SOX13: variants seen among roughly 807,000 people sequenced by gnomAD.
The protein encoded by SOX13 is transcription factor SOX-13.
Under a neutral mutation model 71.8 loss-of-function variants are expected in SOX13, and 28 were observed. The ratio of observed to expected loss-of-function variants is 0.39; its 90% confidence interval spans 0.29 to 0.53. SOX13 has a LOEUF of 0.53. Among genes scored for constraint, SOX13 ranks in the 20% least tolerant of loss-of-function variants. SOX13 has a pLI of 0.70. For synonymous variants in SOX13, 309 were observed against 317.8 expected (o/e 0.97, Z 0.29); for missense variants, 627 against 810.3 (o/e 0.77, Z 2.75).
At chr1:204,117,018 AT>A in intron 5 of SOX13, 103 bp from the exon 6 acceptor site, 1 of 1,173,830 alleles carries the variant, frequency 8.5e-7, no homozygotes, top group Non-Finnish European at 1.2e-6. Context: ...ACCCCACTCC[AT>A]GGCTTGCCCC....
chr1:204,079,055 T>A (rs1374371581), intron 1 of SOX13, among the ~76,000 whole-genome samples: 1 of 152,020 alleles, frequency 6.6e-6, no homozygotes, highest in Non-Finnish European at 1.5e-5. Flanking sequence ...TCCCAGCAGT[T>A]TGGGAGGCCA....
intron 12 of SOX13, among the ~76,000 whole-genome samples, chr1:204,124,245 G>A (rs1656872736): frequency 6.6e-6 from 1 of 152,190 alleles, no homozygotes; most frequent in African/African-American, 2.4e-5. Flanking sequence ...CAAGACTGAG[G>A]CTCCTCCAGT....
rs1230083027 is a variant in SOX13, at chr1:204,112,922, A to G, written c.7A>G (p.Met3Val). ...ACTCTGTCCCTCCCCCAGGATGTCC[A>G]TGAGGAGCCCCATCTCTGCCCAGCT... MS[M>V]RSPISAQLAL... The change falls in exon 2 of 14, where the codon ATG becomes GTG. Residue 3 changes from methionine (M) to valine (V), a missense_variant. Met to Val is a conservative substitution (Grantham distance 21). This residue lies in a region of SOX13 where 447 missense variants were observed against 532.2 expected (regional missense o/e 0.84). Coordinates refer to ENST00000367204, the MANE Select transcript of SOX13 (RefSeq NM_005686.3). 1 of 1,613,418 alleles carries G rather than the reference A, an allele frequency of 6.2e-7. No individual in the cohort carries two copies. Among genetic ancestry groups the G allele is most frequent in the Non-Finnish European group, 8.5e-7 (1 of 1,179,716 alleles).
chr1:204,074,378 G>A (rs1256852612), intron 1 of SOX13: 1 of 129,650 alleles, frequency 7.7e-6, no homozygotes, highest in Non-Finnish European at 1.6e-5. Context: ...CTCCCGCCCT[G>A]GGATATCGTA....
chr1:204,099,168 C>T (rs754061289), intron 1 of SOX13, among the ~76,000 whole-genome samples: 1 of 152,172 alleles, frequency 6.6e-6, no homozygotes, highest in Non-Finnish European at 1.5e-5. Context: ...AGAAGAGACT[C>T]ATTAGCCAGT....
In SOX13 at chr1:204,126,379, C is replaced by T. The variant is rs1656923736; in HGVS notation, c.*245C>T. The T allele has an allele frequency of 5.3e-6, 3 of 562,998 alleles. No homozygotes were observed. 34.9% of individuals were successfully genotyped at this position (562,998 alleles called of 1,614,324 possible). ...GGGCTGAGCAGGCTGAGCACCTCAG[C>T]CTTTAGGGCTTATGGCCAGGGGACA... is the stretch of plus-strand genomic sequence containing the variant. On this transcript the variant is annotated 3_prime_UTR_variant, in exon 14 of 14. Transcript: ENST00000367204.
chr1:204,111,812 T>G (rs1205498746), intron 1 of SOX13, among the ~76,000 whole-genome samples: 1 of 147,772 alleles, frequency 6.8e-6, no homozygotes, highest in Non-Finnish European at 1.5e-5. Context: ...CTTGAGTAAC[T>G]GGGATTACAG....
chr1:204,074,333 C>G (rs187938003), intron 1 of SOX13: 2 of 151,674 alleles, frequency 1.3e-5, no homozygotes, highest in Admixed American at 6.6e-5. Flanking sequence ...GTCCCACCCC[C>G]ACCCCCACCG....
rs1656049239 is a variant in SOX13 at position 204,087,434 on chromosome 1, C to T, written c.-2+13723C>T. On this transcript the variant is annotated intron_variant, in intron 1 of 13. Transcript: ENST00000367204. ...TTCCTGTAGCTTCCCAGGGCCTGCT[C>T]CCTGTGCATGAGGCAGTAGGCCCCC... Among the ~76,000 whole-genome samples, 4 of 152,336 alleles carry T rather than the reference C, an allele frequency of 2.6e-5. No individual in the cohort carries two copies. The South Asian group carries it at 8.3e-4, about 32-fold the overall frequency.
In SOX13 at chr1:204,123,049, G is replaced by A. The variant is rs1048701304; in HGVS notation, c.1135-63G>A. 12 of 1,521,052 alleles carry A rather than the reference G, an allele frequency of 7.9e-6. No individual in the cohort carries two copies. In the African/African-American group the frequency reaches 9.6e-5, roughly 12 times the overall value. 94.2% of individuals were successfully genotyped at this position (1,521,052 alleles called of 1,614,324 possible). Reference sequence around the variant, plus strand: ...ACACAGTCTGAGGCCACCAAGAGAGGAGCATGGGGAGGAGTGGGGTGATGC... The same window carrying A: ...ACACAGTCTGAGGCCACCAAGAGAGAAGCATGGGGAGGAGTGGGGTGATGC... On this transcript the variant is annotated intron_variant, in intron 10 of 13. Coordinates refer to ENST00000367204, the MANE Select transcript of SOX13 (RefSeq NM_005686.3). The surrounding 1 kb of genome is among the most constrained non-coding windows in gnomAD (Gnocchi z 5.0).
chr1:204,126,144 G>A lies in SOX13; in HGVS notation c.*10G>A. The A allele has an allele frequency of 6.2e-7, 1 of 1,611,696 alleles. No individual in the cohort carries two copies. Among genetic ancestry groups the A allele is most frequent in the Non-Finnish European group, 8.5e-7 (1 of 1,178,222 alleles). Reference sequence around the variant, plus strand: ...GGTGCTCACAGACTGATCCCGGCTGGGTGGGCCTGGCCCCTTCTCCTCTGG... The same window carrying A: ...GGTGCTCACAGACTGATCCCGGCTGAGTGGGCCTGGCCCCTTCTCCTCTGG... On this transcript the variant is annotated 3_prime_UTR_variant, in exon 14 of 14. Coordinates refer to ENST00000367204, the MANE Select transcript of SOX13 (RefSeq NM_005686.3).
In SOX13 at chr1:204,112,935, T is replaced by C; in HGVS notation, c.20T>C (p.Ile7Thr). 6.2e-7 allele frequency: 1 copy of C among 1,613,626 alleles called. No individual in the cohort carries two copies. Among genetic ancestry groups the C allele is most frequent in the Admixed American group, 1.7e-5 (1 of 60,020 alleles). Residue 7 changes from isoleucine (I) to threonine (T), a missense_variant, in exon 2 of 14, where the codon ATC (isoleucine) becomes ACC (threonine). This residue lies in a region of SOX13 where 447 missense variants were observed against 532.2 expected (regional missense o/e 0.84). Coordinates refer to ENST00000367204, the MANE Select transcript of SOX13 (RefSeq NM_005686.3). ...CCCAGGATGTCCATGAGGAGCCCCA[T>C]CTCTGCCCAGCTGGCCCTGGATGGC... Reference protein sequence around the residue: MSMRSPISAQLALDGVG... With the variant: MSMRSPTSAQLALDGVG...
chr1:204,124,962 G>A, intron 13 of SOX13, 105 bp downstream of exon 13: 1 of 834,492 alleles, frequency 1.2e-6, no homozygotes, highest in Non-Finnish European at 2.0e-6. Context: ...GTGACCCCAG[G>A]GGTGCTGTGT....
At chr1:204,076,715 G>A (rs1476048298) in intron 1 of SOX13, among the ~76,000 whole-genome samples, 4 of 152,186 alleles carry the variant, frequency 2.6e-5, no homozygotes. Context: ...CCCAGGCATG[G>A]GGGAGGATGG....
intron 1 of SOX13, among the ~76,000 whole-genome samples, chr1:204,097,951 C>G (rs1394543670): frequency 1.3e-5 from 2 of 152,014 alleles, no homozygotes; most frequent in East Asian, 1.9e-4. Flanking sequence ...ACTGCAGCCT[C>G]AACCTCAAGT....
intron 1 of SOX13, among the ~76,000 whole-genome samples, chr1:204,098,052 G>A (rs572856491): frequency 1.3e-5 from 2 of 152,092 alleles, no homozygotes; most frequent in Non-Finnish European, 2.9e-5. Flanking sequence ...GTGGAGATGG[G>A]ATTTCACCAT....
rs781134254 is a variant in SOX13 at position 204,114,322 on chromosome 1, A to T, written c.221A>T (p.Asp74Val). 1.3e-6 allele frequency: 2 copies of T among 1,592,514 alleles called. No individual in the cohort carries two copies. The highest frequency in any genetic ancestry group is 4.5e-5 in the East Asian group (2 of 44,452). Residue 74 changes from aspartate (D) to valine (V), a missense_variant and splice_region_variant, in exon 3 of 14, where the codon GAC (aspartate) becomes GTC (valine). Around this residue, in one of 3 missense-constraint regions of SOX13, gnomAD observed 447 missense variants for 532.2 expected, o/e 0.84. Transcript: ENST00000367204. ...PAQGNFRGSW[D>V]CSSPEGNGSP... is the part of the protein sequence containing the mutation. ...GTGACAATTCAGTATGTCTTGCAGGACTGTAGCTCTCCAGAGGGTAATGGG... is the reference window on the plus strand; with the variant it reads ...GTGACAATTCAGTATGTCTTGCAGGTCTGTAGCTCTCCAGAGGGTAATGGG...
At chr1:204,095,697 A>G (rs1187899022) in intron 1 of SOX13, among the ~76,000 whole-genome samples, 1 of 152,214 alleles carries the variant, frequency 6.6e-6, no homozygotes, top group Non-Finnish European at 1.5e-5. Context: ...TAAAATTTAC[A>G]ATTTGTAAAT....
chr1:204,116,540 A>G lies in SOX13; in HGVS notation c.452A>G (p.Gln151Arg), dbSNP rs1656698377. 18 of 1,613,900 alleles carry G rather than the reference A, an allele frequency of 1.1e-5. No individual in the cohort carries two copies. Among genetic ancestry groups the G allele is most frequent in the Non-Finnish European group, 1.4e-5 (17 of 1,179,894 alleles). Residue 151 changes from glutamine (Q) to arginine (R), a missense_variant, in exon 5 of 14, where the codon CAG (glutamine) becomes CGG (arginine). By Grantham distance (43) the Gln-to-Arg change is conservative. This residue lies in a region of SOX13 where 447 missense variants were observed against 532.2 expected (regional missense o/e 0.84). Transcript: ENST00000367204. ...GAGAGCCTAGCAGAGAAGGAGCTCC[A>G]GCTTCTGGTCATGATTCACCAGCTG... ...TQESLAEKEL[Q>R]LLVMIHQLST...
Sources: allele counts gnomAD v4.1 joint callset (sites outside exome capture counted in the v4.1 genomes callset), GRCh38; gene constraint gnomAD v4.1.1; regional missense constraint gnomAD v4.1.1; non-coding constraint Gnocchi (gnomAD v3.1); transcripts MANE v1.5; gene names NCBI Gene and HGNC (gene_info 2026-07-23, HGNC 2026-07-21).